Variants in SVEP1 observed in about 807,000 individuals in gnomAD.
The protein encoded by SVEP1 is sushi, von Willebrand factor type A, EGF and pentraxin domain-containing protein 1.
SVEP1 carries 164 observed loss-of-function variants against 367.3 expected under a neutral mutation model. The observed-to-expected ratio is 0.45, with a 90% CI of 0.39 to 0.51. SVEP1 has a LOEUF of 0.51. Ranked by LOEUF, SVEP1 falls within the 20% of genes least tolerant of loss-of-function variation. The pLI is 0.00. For missense variants in SVEP1, 4,117 were observed against 4,425.3 expected, an observed-to-expected ratio of 0.93 and a Z score of 1.98; for synonymous variants, 1,666 against 1,611.6, an observed-to-expected ratio of 1.03 and a Z score of -0.81.
chr9:110,406,376 A>T lies in SVEP1; in HGVS notation c.9224T>A (p.Ile3075Asn), dbSNP rs754406816. The change falls in exon 38 of 48, where the codon ATC becomes AAC. Residue 3075 changes from isoleucine to asparagine, a missense_variant. By Grantham distance (149) the Ile-to-Asn change is moderately radical (BLOSUM62 -3). Coordinates refer to ENST00000374469, the MANE Select transcript of SVEP1 (RefSeq NM_153366.4). Reference sequence around the variant, plus strand: ...TTCCTTCCAAGAGCTGGTCTCACTGATGAACGCATTTGGTATCATTGGAAG... The same window carrying T: ...TTCCTTCCAAGAGCTGGTCTCACTGTTGAACGCATTTGGTATCATTGGAAG... Reference protein sequence around the residue: ...GSLPMIPNAFISETSSWKENV... With the variant: ...GSLPMIPNAFNSETSSWKENV... 2.2e-5 allele frequency: 36 copies of T among 1,613,934 alleles called. 1 individual carries two copies. The South Asian group carries it at 3.8e-4, about 17-fold the overall frequency.
In SVEP1 at chr9:110,513,937, G is replaced by C; in HGVS notation, c.1123+11C>G. ...TTTATATTTCCCATTTTCCAACAGT[G>C]GGAGACTCACGTTCACAGGTCTGGC... On this transcript the variant is annotated intron_variant, in intron 4 of 47. Coordinates refer to ENST00000374469, the MANE Select transcript of SVEP1 (RefSeq NM_153366.4). 1 of 1,607,340 alleles carries C rather than the reference G, an allele frequency of 6.2e-7. No homozygotes were observed. Among genetic ancestry groups the C allele is most frequent in the Non-Finnish European group, 8.5e-7 (1 of 1,175,550 alleles).
chr9:110,546,699 A>T (rs1013927816), intron 2 of SVEP1, among the ~76,000 whole-genome samples: 21 of 152,192 alleles, frequency 1.4e-4, no homozygotes, highest in African/African-American at 5.1e-4. Flanking sequence ...CCTTGTTCCA[A>T]TGAGAAACAA....
chr9:110,441,049 T>G (rs1828503516), intron 27 of SVEP1, among the ~76,000 whole-genome samples: 1 of 152,250 alleles, frequency 6.6e-6, no homozygotes, highest in Non-Finnish European at 1.5e-5. Flanking sequence ...ATGATCATTG[T>G]GACAAAAATA....
intron 8 of SVEP1, among the ~76,000 whole-genome samples, chr9:110,491,590 GGTGTGTGT>G (rs55905097): frequency 7.4e-5 from 11 of 147,838 alleles, no homozygotes; most frequent in Admixed American, 2.0e-4. Flanking sequence ...TATAGAATGG[GGTGTGTGT>G]GTGTGTGTGT....
At chr9:110,558,671 A>G (rs1190428227) in intron 1 of SVEP1, among the ~76,000 whole-genome samples, 2 of 152,082 alleles carry the variant, frequency 1.3e-5, no homozygotes, top group African/African-American at 4.8e-5. Context: ...TAAGAAACTA[A>G]TGCATGAAAA....
intron 43 of SVEP1, among the ~76,000 whole-genome samples, chr9:110,384,346 T>C (rs1189550509): frequency 2.6e-5 from 4 of 151,956 alleles, no homozygotes; most frequent in African/African-American, 9.7e-5. Flanking sequence ...TTTCTGTGGA[T>C]TGCGCCAACT....
intron 1 of SVEP1, among the ~76,000 whole-genome samples, chr9:110,556,877 C>A (rs190747632): frequency 2.0e-4 from 30 of 152,266 alleles, no homozygotes; most frequent in African/African-American, 7.2e-4. Context: ...GAACTAATAC[C>A]TACAATGACT....
rs61616981 is a variant in SVEP1 at position 110,427,302 on chromosome 9, CAAAAA to C, written c.5975+284_5975+288del. On this transcript the variant is annotated intron_variant, in intron 36 of 47. Coordinates refer to ENST00000374469, the MANE Select transcript of SVEP1 (RefSeq NM_153366.4). The stretch of plus-strand genomic sequence containing the variant: ...AAGGTGATAGAGCAAGACTCTGTCT[CAAAAA>C]AAAAAAAAAAAAAAAAAAGTATAAT... Among the ~76,000 whole-genome samples, 660 of 81,934 alleles carry C rather than the reference CAAAAA, an allele frequency of 8.1e-3. 4 individuals carry two copies. Among genetic ancestry groups the C allele is most frequent in the African/African-American group, 0.029 (621 of 21,322 alleles). 53.8% of individuals were successfully genotyped at this position (81,934 alleles called of 152,430 possible).
intron 2 of SVEP1, 135 bp from the exon 3 acceptor site, chr9:110,546,426 C>T (rs1207939267): frequency 3.0e-6 from 3 of 997,074 alleles, no homozygotes; most frequent in Admixed American, 2.6e-5. Flanking sequence ...GCTTCCTGCT[C>T]CCACCCAAAT....
intron 24 of SVEP1, among the ~76,000 whole-genome samples, chr9:110,448,491 G>C (rs530805089): frequency 2.6e-5 from 4 of 152,168 alleles, no homozygotes; most frequent in Non-Finnish European, 5.9e-5. Context: ...AGTTGGAATT[G>C]AGGGATCTTT....
chr9:110,497,229 G>C (rs1829464470), intron 7 of SVEP1, among the ~76,000 whole-genome samples: 1 of 151,924 alleles, frequency 6.6e-6, no homozygotes, highest in African/African-American at 2.4e-5. Flanking sequence ...CTTTTACCTG[G>C]GCCCTTACCT....
chr9:110,405,446 G>T (rs1271171322), intron 38 of SVEP1, among the ~76,000 whole-genome samples: 1 of 151,502 alleles, frequency 6.6e-6, no homozygotes, highest in African/African-American at 2.4e-5. Context: ...TACCTACGTG[G>T]ACTCAGATAC....
chr9:110,514,832 A>G (rs1829779891), intron 3 of SVEP1, among the ~76,000 whole-genome samples: 2 of 152,218 alleles, frequency 1.3e-5, no homozygotes, highest in African/African-American at 2.4e-5. Flanking sequence ...CCTCATCTCT[A>G]GCACTGAGCC....
chr9:110,423,693 A>C (rs947958607), intron 36 of SVEP1, among the ~76,000 whole-genome samples: 1 of 152,184 alleles, frequency 6.6e-6, no homozygotes, highest in Non-Finnish European at 1.5e-5. Flanking sequence ...TCTATAACAA[A>C]AGGCACCATA....
chr9:110,455,583 C>G lies in SVEP1; in HGVS notation c.3787+7G>C. ...ATATTGTTGAAAACAGGAGACCTTCCCCTTACCTGTGTAACCTGATGGGCA... is the reference window on the plus strand; with the variant it reads ...ATATTGTTGAAAACAGGAGACCTTCGCCTTACCTGTGTAACCTGATGGGCA... On this transcript the variant is annotated splice_region_variant and intron_variant, in intron 22 of 47. Transcript: ENST00000374469. 1 of 1,603,388 alleles carries G rather than the reference C, an allele frequency of 6.2e-7. No individual in the cohort carries two copies. The highest frequency in any genetic ancestry group is 8.5e-7 in the Non-Finnish European group (1 of 1,172,724).
chr9:110,376,329 T>C (rs1032364093), intron 45 of SVEP1, among the ~76,000 whole-genome samples: 2 of 152,162 alleles, frequency 1.3e-5, no homozygotes, highest in African/African-American at 4.8e-5. Context: ...AGTCAATGCT[T>C]ACTAAGTCTT....
At chr9:110,556,937 G>A (rs1830363916) in intron 1 of SVEP1, among the ~76,000 whole-genome samples, 1 of 152,190 alleles carries the variant, frequency 6.6e-6, no homozygotes, top group African/African-American at 2.4e-5. Context: ...TTATGTCAGT[G>A]TTTCAATCTG....
chr9:110,455,120 TACACACACATATTC>T (rs1366332993), intron 22 of SVEP1, among the ~76,000 whole-genome samples: 1 of 152,200 alleles, frequency 6.6e-6, no homozygotes, highest in Non-Finnish European at 1.5e-5. Flanking sequence ...GTAATAATTA[TACACACACATATTC>T]ACACACACAC....
In SVEP1 at chr9:110,512,939, C is replaced by G. The variant is rs1327878579; in HGVS notation, c.1290G>C (p.Glu430Asp). 3 of 1,613,842 alleles carry G rather than the reference C, an allele frequency of 1.9e-6. No homozygotes were observed. The Admixed American group carries it at 5.0e-5, about 27-fold the overall frequency. ...CAGTTTGCATACCTCTGCAGTAGCT[C>G]TCTGAACCGGACCACAAACCATTGG... ...CLPNGLWSGSESYCRVRTCPH... is the reference protein window; with the variant it reads ...CLPNGLWSGSDSYCRVRTCPH... The change falls in exon 5 of 48, where the codon GAG (glutamate) becomes GAC (aspartate). Residue 430 changes from glutamate to aspartate, a missense_variant. Transcript: ENST00000374469.
Sources: allele counts gnomAD v4.1 joint callset (sites outside exome capture counted in the v4.1 genomes callset), GRCh38; gene constraint gnomAD v4.1.1; transcripts MANE v1.5; gene names NCBI Gene and HGNC (gene_info 2026-07-23, HGNC 2026-07-21).